NUP210: variants seen among roughly 807,000 people sequenced by gnomAD.
NUP210 encodes nucleoporin 210, also known as nuclear pore membrane glycoprotein 210.
A neutral mutation model predicts 196.0 loss-of-function variants in NUP210; 151 were observed. The observed-to-expected ratio is 0.77, with a 90% CI of 0.67 to 0.88. The LOEUF is 0.88. Ranked by LOEUF, NUP210 falls within the 40% of genes least tolerant of loss-of-function variation. The pLI is 0.00. For missense variants in NUP210, 2,314 were observed against 2,493.7 expected (o/e 0.93, Z 1.53); for synonymous variants, 1,070 against 1,052.7 (o/e 1.02, Z -0.32).
intron 15 of NUP210, among the ~76,000 whole-genome samples, chr3:13,359,589 C>T (rs752640429): frequency 1.1e-4 from 16 of 152,210 alleles, no homozygotes; most frequent in Non-Finnish European, 1.8e-4. Context: ...GGCTCTCTCC[C>T]ATCTTCCTGA....
intron 35 of NUP210, 101 bp downstream of exon 35, chr3:13,322,092 G>T: frequency 7.0e-7 from 1 of 1,425,514 alleles, no homozygotes; most frequent in Non-Finnish European, 9.8e-7. Context: ...TCTGCCCTCT[G>T]GACAGACGGC....
intron 28 of NUP210, among the ~76,000 whole-genome samples, chr3:13,333,504 C>T (rs1697084522): frequency 6.6e-6 from 1 of 152,234 alleles, no homozygotes; most frequent in Non-Finnish European, 1.5e-5. Context: ...CTCCCAGCTC[C>T]TCTGTGCTCT....
intron 1 of NUP210, among the ~76,000 whole-genome samples, chr3:13,409,376 C>G (rs1700093252): frequency 6.6e-6 from 1 of 152,182 alleles, no homozygotes; most frequent in Non-Finnish European, 1.5e-5. Context: ...AGAGGTCCCA[C>G]AGAGCTGCTC....
intron 11 of NUP210, 92 bp downstream of exon 11, chr3:13,375,412 A>T: frequency 8.2e-7 from 1 of 1,224,750 alleles, no homozygotes. Flanking sequence ...CAACCACTAG[A>T]GAGTAATACT....
At chr3:13,335,374 C>G in intron 28 of NUP210, 80 bp downstream of exon 28, 1 of 1,516,996 alleles carries the variant, frequency 6.6e-7, no homozygotes, top group South Asian at 1.2e-5. Context: ...CCTGCCCATG[C>G]AACATGTGGC....
chr3:13,323,342 C>T lies in NUP210; in HGVS notation c.4735G>A (p.Val1579Ile), dbSNP rs1447124951. The change falls in exon 34 of 40, where the codon GTT becomes ATT. Residue 1579 changes from valine to isoleucine, a missense_variant. Coordinates refer to ENST00000254508, the MANE Select transcript of NUP210 (RefSeq NM_024923.4). This position sits in a 1 kb window ranked among gnomAD's most constrained non-coding sequence, Gnocchi z 4.3. The stretch of plus-strand genomic sequence containing the variant: ...TTAGAGCTTCTGTCTCCCACGGCAA[C>T]AATCACTTTGGAGGCTGTAGCCTCC... The part of the protein sequence containing the change: ...FQEATASKVI[V>I]AVGDRSSNLR... 3 of 1,614,168 alleles carry T rather than the reference C, an allele frequency of 1.9e-6. No individual in the cohort carries two copies. The highest frequency in any genetic ancestry group is 2.5e-6 in the Non-Finnish European group (3 of 1,180,022).
chr3:13,390,637 T>C (rs1023358814), intron 4 of NUP210, among the ~76,000 whole-genome samples: 3 of 152,148 alleles, frequency 2.0e-5, no homozygotes, highest in Admixed American at 6.5e-5. Context: ...AGCTCTGTCC[T>C]CCCGGAGCTC....
In NUP210 at chr3:13,342,096, A is replaced by T. The variant is rs61751582; in HGVS notation, c.2992T>A (p.Tyr998Asn). 1 of 1,614,178 alleles carries T rather than the reference A, an allele frequency of 6.2e-7. No individual in the cohort carries two copies. Among genetic ancestry groups the T allele is most frequent in the Admixed American group, 1.7e-5 (1 of 60,018 alleles). The change falls in exon 22 of 40, where the codon TAC (tyrosine) becomes AAC (asparagine). Residue 998 changes from tyrosine to asparagine, a missense_variant. Physicochemically the swap from Tyr to Asn is moderately radical, Grantham distance 143. Coordinates refer to ENST00000254508, the MANE Select transcript of NUP210 (RefSeq NM_024923.4). ...KVEIGKTVKAYVRVLDLHKKP... is the reference protein window; with the variant it reads ...KVEIGKTVKANVRVLDLHKKP... ...TTGTGCAAGTCCAGCACGCGGACGT[A>T]TGCCTTCACTGTCTTCCCAATCTCC...
intron 20 of NUP210, chr3:13,345,333 G>T (rs979944658): frequency 1.5e-6 from 1 of 651,488 alleles, no homozygotes; most frequent in Non-Finnish European, 1.9e-6. Context: ...CAGATGATGG[G>T]ACAGGGATAT....
Position 13,348,788 on chromosome 3 carries a change from T to G in NUP210, c.2835+3091A>C, listed in dbSNP as rs949382984. On this transcript the variant is annotated intron_variant, in intron 20 of 39. Coordinates refer to ENST00000254508, the MANE Select transcript of NUP210 (RefSeq NM_024923.4). The surrounding 1 kb of genome is among the most constrained non-coding windows in gnomAD (Gnocchi z 4.0). ...AACAGTGGGACTCCCTCCCCCTCCT[T>G]GAGGCACGGCGCTGAGAAAACATCC... 1.9e-5 allele frequency: 19 copies of G among 985,360 alleles called. No homozygotes were observed. The African/African-American group carries it at 3.3e-4, about 17-fold the overall frequency. 61.0% of individuals were successfully genotyped at this position (985,360 alleles called of 1,614,324 possible).
In NUP210 at chr3:13,341,650, T is replaced by A; in HGVS notation, c.3228+98A>T. On this transcript the variant is annotated intron_variant, in intron 23 of 39. Transcript: ENST00000254508. ...ACATTGTGGGACACAGATTTTTATATGGCTTCTCTACAGTAGCTTCCTGGA... is the reference window on the plus strand; with the variant it reads ...ACATTGTGGGACACAGATTTTTATAAGGCTTCTCTACAGTAGCTTCCTGGA... 4 of 1,370,276 alleles carry A rather than the reference T, an allele frequency of 2.9e-6. No individual in the cohort carries two copies. The South Asian group carries it at 5.5e-5, about 19-fold the overall frequency. 84.9% of individuals were successfully genotyped at this position (1,370,276 alleles called of 1,614,324 possible).
intron 18 of NUP210, among the ~76,000 whole-genome samples, chr3:13,353,267 C>T (rs1164433585): frequency 6.6e-6 from 1 of 152,172 alleles, no homozygotes; most frequent in Non-Finnish European, 1.5e-5. Flanking sequence ...CTGCCTCCAC[C>T]TTATTCAAGA....
intron 13 of NUP210, among the ~76,000 whole-genome samples, chr3:13,367,909 T>A (rs1698594986): frequency 6.6e-6 from 1 of 152,154 alleles, no homozygotes; most frequent in Non-Finnish European, 1.5e-5. Context: ...ACCTGGGCAT[T>A]TCTGTTGCGT....
chr3:13,325,864 A>C lies in NUP210; in HGVS notation c.4575T>G (p.Ala1525=). 1 of 1,614,042 alleles carries C rather than the reference A, an allele frequency of 6.2e-7. No homozygotes were observed. Among genetic ancestry groups the C allele is most frequent in the South Asian group, 1.1e-5 (1 of 91,082 alleles). ...TCACGGATCCCACGGCCCGGGCCAC[A>C]GCCACACCCGTCTTGGGGTCGATGT... ...ILHIDPKTGV[A]VARAVGSVTV... Residue 1525 remains alanine, a synonymous_variant, in exon 33 of 40, where the codon GCT becomes GCG. Transcript: ENST00000254508.
Position 13,323,427 on chromosome 3 carries a change from C to T in NUP210, c.4650G>A (p.Val1550=), listed in dbSNP as rs1311751523. The part of the protein sequence containing the change: ...AGHLRTYKEV[V]VSVPQRIMAR... The stretch of plus-strand genomic sequence containing the variant: ...CCATGATCCTCTGAGGGACGCTGAC[C>T]ACCACCTAGAGAGGGAGCCAAGGAA... Residue 1550 remains valine, a synonymous_variant, in exon 34 of 40, where the codon GTG becomes GTA. Coordinates refer to ENST00000254508, the MANE Select transcript of NUP210 (RefSeq NM_024923.4). This position sits in a 1 kb window ranked among gnomAD's most constrained non-coding sequence, Gnocchi z 4.3. 6.2e-7 allele frequency: 1 copy of T among 1,614,058 alleles called. No individual in the cohort carries two copies. Among genetic ancestry groups the T allele is most frequent in the East Asian group, 2.2e-5 (1 of 44,876 alleles).
intron 6 of NUP210, among the ~76,000 whole-genome samples, chr3:13,384,144 G>T (rs575828810): frequency 2.5e-4 from 38 of 152,020 alleles, no homozygotes; most frequent in African/African-American, 8.4e-4. Context: ...TGTATTTTTA[G>T]TAGAGGCGGG....
intron 28 of NUP210, among the ~76,000 whole-genome samples, chr3:13,334,907 G>A (rs1042984993): frequency 6.6e-6 from 1 of 152,162 alleles, no homozygotes; most frequent in Admixed American, 6.5e-5. Flanking sequence ...TGCAGACAGG[G>A]CACAGTCCCC....
chr3:13,363,580 C>A (rs1466731133), intron 14 of NUP210, among the ~76,000 whole-genome samples: 1 of 152,230 alleles, frequency 6.6e-6, no homozygotes, highest in Non-Finnish European at 1.5e-5. Context: ...ATTGTGCAGG[C>A]TCCTCAGCGG....
rs769992649 is a variant in NUP210, at chr3:13,366,097, G to A, written c.1787-6C>T. 4.9e-5 allele frequency: 79 copies of A among 1,612,666 alleles called. No individual in the cohort carries two copies. Among genetic ancestry groups the A allele is most frequent in the East Asian group, 1.1e-4 (5 of 44,826 alleles). On this transcript the variant is annotated splice_polypyrimidine_tract_variant and splice_region_variant and intron_variant, in intron 13 of 39. Coordinates refer to ENST00000254508, the MANE Select transcript of NUP210 (RefSeq NM_024923.4). ...AGAGCCTGGCGGCAGCCTCCCTACA[G>A]AAAGGAGAGAACTAGATGGTCACCC...
Sources: allele counts gnomAD v4.1 joint callset (sites outside exome capture counted in the v4.1 genomes callset), GRCh38; gene constraint gnomAD v4.1.1; non-coding constraint Gnocchi (gnomAD v3.1); transcripts MANE v1.5; gene names NCBI Gene and HGNC (gene_info 2026-07-23, HGNC 2026-07-21).